The following OTULIN variants were observed in gnomAD, a reference collection of about 807,000 sequenced individuals.
OTULIN encodes the protein ubiquitin thioesterase otulin.
A neutral mutation model predicts 39.6 loss-of-function variants in OTULIN; 15 were observed. The observed-to-expected ratio is 0.38, with a 90% CI of 0.25 to 0.58. The LOEUF (loss-of-function observed/expected upper bound fraction) is 0.58. Ranked by LOEUF, OTULIN falls within the 20% of genes least tolerant of loss-of-function variation. The pLI is 0.66. For missense variants in OTULIN, 319 were observed against 445.9 expected (o/e 0.72, Z 2.56); for synonymous variants, 156 against 170.3 (o/e 0.92, Z 0.65).
downstream of OTULIN, among the ~76,000 whole-genome samples, chr5:14,701,946 G>C (rs2126364143): frequency 6.6e-6 from 1 of 152,292 alleles, no homozygotes; most frequent in African/African-American, 2.4e-5. Context: ...TGGGTGTGTG[G>C]GTTGTGTGAT....
chr5:14,669,778 G>A (rs1356771545), intron 1 of OTULIN, among the ~76,000 whole-genome samples: 2 of 152,052 alleles, frequency 1.3e-5, no homozygotes, highest in African/African-American at 2.4e-5. Context: ...CTCAAAAAAC[G>A]TATATATAAT....
chr5:14,668,228 C>T (rs564978956), intron 1 of OTULIN, among the ~76,000 whole-genome samples: 16 of 152,298 alleles, frequency 1.1e-4, no homozygotes, highest in East Asian at 5.8e-4. Context: ...TGCTACAGTT[C>T]GGAGTAGGGA....
chr5:14,687,768 A>C, intron 5 of OTULIN, 122 bp downstream of exon 5: 5 of 1,198,416 alleles, frequency 4.2e-6, no homozygotes, highest in Non-Finnish European at 5.7e-6. Context: ...TTTTTAGGCA[A>C]AATGGTTTTA....
chr5:14,715,103 T>C, the OTULIN span, among the ~76,000 whole-genome samples: 1 of 152,246 alleles, frequency 6.6e-6, no homozygotes, highest in Non-Finnish European at 1.5e-5. Context: ...CCATCAGCCC[T>C]GGCCTACCTG....
chr5:14,687,409 C>A, intron 4 of OTULIN, 112 bp from the exon 5 acceptor site: 1 of 1,291,866 alleles, frequency 7.7e-7, no homozygotes, highest in Non-Finnish European at 1.1e-6. Context: ...AGAATTAATT[C>A]TGGAAACAAA....
chr5:14,711,057 C>A, the OTULIN span: 6 of 785,502 alleles, frequency 7.6e-6, no homozygotes, highest in African/African-American at 8.4e-5. Flanking sequence ...AGAATTGACA[C>A]GAAACCTTTA....
chr5:14,664,948 G>A lies in OTULIN; in HGVS notation c.123G>A (p.Pro41=). 1 of 1,119,946 alleles carries A rather than the reference G, an allele frequency of 8.9e-7. No individual in the cohort carries two copies. The highest frequency in any genetic ancestry group is 1.1e-6 in the Non-Finnish European group (1 of 917,142). 69.4% of individuals were successfully genotyped at this position (1,119,946 alleles called of 1,614,324 possible). The stretch of plus-strand genomic sequence containing the variant: ...GGAAGGCGGCGGCCAGCGGGCAGCC[G>A]CGGCCCGAGATGCAGTGCCCGGCCG... ...DGGKAAASGQ[P]RPEMQCPAEH... Residue 41 remains proline, a synonymous_variant, in exon 1 of 7, where the codon CCG becomes CCA. Coordinates refer to ENST00000284274, the MANE Select transcript of OTULIN (RefSeq NM_138348.6).
At position 14,691,191 on chromosome 5, in the gene OTULIN, C is replaced by T. The variant is rs148489281; in HGVS notation, c.864+883C>T. 1.8e-3 allele frequency among the ~76,000 whole-genome samples: 269 copies of T among 152,304 alleles called. 1 individual carries two copies. Among genetic ancestry groups the T allele is most frequent in the African/African-American group, 5.7e-3 (235 of 41,558 alleles). ...GGTTTTTTTTATTGGAATAGCCAAC[C>T]GCTAAAGTAGCATTAAGGCTGTTCA... On this transcript the variant is annotated intron_variant, in intron 6 of 6. Transcript: ENST00000284274.
chr5:14,710,857 T>G, the OTULIN span: 1 of 361,958 alleles, frequency 2.8e-6, no homozygotes, highest in African/African-American at 2.1e-5. Context: ...ATGGCACAGC[T>G]GCAGTCCTTT....
chr5:14,679,295 G>C (rs1254957338), intron 3 of OTULIN, among the ~76,000 whole-genome samples: 2 of 152,136 alleles, frequency 1.3e-5, no homozygotes, highest in East Asian at 3.9e-4. Context: ...ATGTGGTCCT[G>C]CTGTGACTGT....
intron 1 of OTULIN, among the ~76,000 whole-genome samples, chr5:14,671,507 G>C (rs1027621813): frequency 9.9e-5 from 15 of 152,182 alleles, no homozygotes; most frequent in African/African-American, 2.9e-4. Context: ...TATAAAGCCA[G>C]GAAAGGGGCT....
chr5:14,708,779 C>CT, the OTULIN span: 1 of 152,316 alleles, frequency 6.6e-6, no homozygotes, highest in East Asian at 1.9e-4. Flanking sequence ...CTCAGAAACT[C>CT]TAACCAAATA....
At chr5:14,681,717 G>A in intron 4 of OTULIN, 110 bp downstream of exon 4, 2 of 1,250,490 alleles carry the variant, frequency 1.6e-6, no homozygotes, top group South Asian at 1.7e-5. Context: ...TATGATGTCA[G>A]CATGTGCGTT....
Position 14,687,625 on chromosome 5 carries a change from C to T in OTULIN, c.573C>T (p.Ser191=). 6.2e-7 allele frequency: 1 copy of T among 1,612,974 alleles called. No individual in the cohort carries two copies. The highest frequency in any genetic ancestry group is 8.5e-7 in the Non-Finnish European group (1 of 1,179,756). Residue 191 remains serine (S), a synonymous_variant, in exon 5 of 7, where the codon TCC becomes TCT. Transcript: ENST00000284274. ...NEDLVDKIKE[S]LTLLRKKWAG... ...ACCTGGTTGATAAAATTAAAGAGTC[C>T]CTTACTCTGCTGAGGAAGAAGGTTT...
chr5:14,664,718 G>T lies in OTULIN; in HGVS notation c.-108G>T. 1 of 1,065,750 alleles carries T rather than the reference G, an allele frequency of 9.4e-7. No individual in the cohort carries two copies. Among genetic ancestry groups the T allele is most frequent in the Non-Finnish European group, 1.1e-6 (1 of 876,694 alleles). 66.0% of individuals were successfully genotyped at this position (1,065,750 alleles called of 1,614,324 possible). ...GCGCGGAAGCGCTCTGCGGGCCCTC[G>T]GAAACCGCCCCGGCGGCTGAGAGGC... On this transcript the variant is annotated 5_prime_UTR_variant, in exon 1 of 7. Transcript: ENST00000284274.
Position 14,664,766 on chromosome 5 carries a change from G to A in OTULIN, c.-60G>A. The A allele has an allele frequency of 9.0e-7, 1 of 1,115,150 alleles. No homozygotes were observed. Among genetic ancestry groups the A allele is most frequent in the Non-Finnish European group, 1.1e-6 (1 of 912,844 alleles). The allele number at this position is 1,115,150 out of a possible 1,614,324, so 69.1% of individuals were successfully genotyped here. A position where few individuals can be genotyped will look rare whatever the true frequency, so the allele number is the denominator to read the frequency against. ...GGCTGCGGCCACTGCCTGGCACCCCGACGGGAGGGGCTCCGGATCGTTCGG... is the reference window on the plus strand; with the variant it reads ...GGCTGCGGCCACTGCCTGGCACCCCAACGGGAGGGGCTCCGGATCGTTCGG... On this transcript the variant is annotated 5_prime_UTR_variant, in exon 1 of 7. Transcript: ENST00000284274.
At chr5:14,689,206 T>C (rs937882221) in intron 5 of OTULIN, among the ~76,000 whole-genome samples, 4 of 152,176 alleles carry the variant, frequency 2.6e-5, no homozygotes, top group Non-Finnish European at 5.9e-5. Context: ...ATTGGCAACT[T>C]GGTCTAGTTT....
intron 1 of OTULIN, among the ~76,000 whole-genome samples, 162 bp from the exon 2 acceptor site, chr5:14,673,480 T>G (rs1736027678): frequency 6.6e-6 from 1 of 152,240 alleles, no homozygotes; most frequent in Non-Finnish European, 1.5e-5. Flanking sequence ...ATAAGCATCT[T>G]TATTCTTAAG....
chr5:14,677,555 G>A (rs1466529680), intron 2 of OTULIN, among the ~76,000 whole-genome samples: 1 of 152,108 alleles, frequency 6.6e-6, no homozygotes, highest in Non-Finnish European at 1.5e-5. Flanking sequence ...GCGTGTATAT[G>A]CACATACCAC....
Sources: gnomAD v4.1 joint callset for allele counts (sites outside exome capture counted in the v4.1 genomes callset) on GRCh38, gnomAD v4.1.1 for gene constraint, MANE v1.5 for transcripts, NCBI Gene and HGNC (gene_info 2026-07-23, HGNC 2026-07-21) for gene names.